ARHGAP15: variants seen among roughly 807,000 people sequenced by gnomAD.
ARHGAP15 encodes the protein Rho GTPase activating protein 15, also known as rho GTPase-activating protein 15.
Under a neutral mutation model 63.7 loss-of-function variants are expected in ARHGAP15, and 51 were observed. The observed-to-expected ratio is 0.80, with a 90% CI of 0.64 to 1.01. The LOEUF is 1.01. ARHGAP15 is among the 50% of genes least tolerant of loss of function. The pLI is 0.00. For missense variants in ARHGAP15, 560 were observed against 564.6 expected (o/e 0.99, Z 0.08); for synonymous variants, 191 against 193.8 (o/e 0.99, Z 0.12).
intron 3 of ARHGAP15, 23 bp downstream of exon 3, chr2:143,202,225 T>A (rs748676895): frequency 6.4e-7 from 1 of 1,569,174 alleles, no homozygotes; most frequent in South Asian, 1.1e-5. Flanking sequence ...GTCATTATAT[T>A]CTTCATCTAC....
chr2:143,317,823 G>T (rs1013624682), intron 6 of ARHGAP15, among the ~76,000 whole-genome samples: 10 of 152,144 alleles, frequency 6.6e-5, no homozygotes, highest in African/African-American at 2.4e-4. Context: ...CTCATCCGAA[G>T]CGGAAAGAAT....
chr2:143,765,114 TGTGTGTGTGTG>T (rs1686904816), intron 13 of ARHGAP15, among the ~76,000 whole-genome samples: 1 of 93,438 alleles, frequency 1.1e-5, no homozygotes, highest in African/African-American at 3.5e-5. Context: ...AAAATATGTG[TGTGTGTGTGTG>T]TGTGTGTGTG....
intron 8 of ARHGAP15, among the ~76,000 whole-genome samples, chr2:143,469,491 C>T (rs1018151405): frequency 2.0e-5 from 3 of 152,178 alleles, no homozygotes; most frequent in Admixed American, 6.5e-5. Flanking sequence ...AGCAATGCCC[C>T]ACACGCGAGC....
rs116789876 is a variant in ARHGAP15, at chr2:143,614,130, A to G, written c.1004-10003A>G. On this transcript the variant is annotated intron_variant, in intron 11 of 13. Coordinates refer to ENST00000295095, the MANE Select transcript of ARHGAP15 (RefSeq NM_018460.4). ...TCTCTTCCTCTCTCCCAGCTCCTGC[A>G]CCACCCTCACTCACCTGACTGCTCA... 2.0e-3 allele frequency among the ~76,000 whole-genome samples: 306 copies of G among 152,228 alleles called. 2 individuals are homozygous for G. Among genetic ancestry groups the G allele is most frequent in the African/African-American group, 7.0e-3 (292 of 41,546 alleles).
At chr2:143,326,235 A>G (rs746028340) in intron 6 of ARHGAP15, among the ~76,000 whole-genome samples, 1 of 152,140 alleles carries the variant, frequency 6.6e-6, no homozygotes, top group Non-Finnish European at 1.5e-5. Context: ...TTCTCATTTA[A>G]TATGTTGTTA....
intron 12 of ARHGAP15, among the ~76,000 whole-genome samples, chr2:143,628,996 C>T (rs891476257): frequency 2.0e-5 from 3 of 151,956 alleles, no homozygotes; most frequent in African/African-American, 7.3e-5. Flanking sequence ...GTGGTTAGAC[C>T]AAACAGAATT....
intron 12 of ARHGAP15, among the ~76,000 whole-genome samples, chr2:143,680,117 C>G (rs1683034385): frequency 6.7e-6 from 1 of 150,336 alleles, no homozygotes; most frequent in Non-Finnish European, 1.5e-5. Context: ...TTGGCAATGC[C>G]TTAATATTTA....
chr2:143,441,782 A>G (rs1689894924), intron 8 of ARHGAP15, among the ~76,000 whole-genome samples: 1 of 152,180 alleles, frequency 6.6e-6, no homozygotes, highest in Non-Finnish European at 1.5e-5. Flanking sequence ...TAAGAGAGCT[A>G]AAAGGAAATG....
At chr2:143,712,319 A>T (rs2105443414) in intron 13 of ARHGAP15, among the ~76,000 whole-genome samples, 1 of 152,336 alleles carries the variant, frequency 6.6e-6, no homozygotes, top group South Asian at 2.1e-4. Flanking sequence ...AAAGGACCAA[A>T]CTGGAGGCAT....
intron 11 of ARHGAP15, among the ~76,000 whole-genome samples, chr2:143,597,441 A>G (rs1287557895): frequency 6.6e-6 from 1 of 152,074 alleles, no homozygotes; most frequent in East Asian, 1.9e-4. Flanking sequence ...TTTCTAGGAG[A>G]AAGCAAGAGA....
intron 11 of ARHGAP15, among the ~76,000 whole-genome samples, chr2:143,574,564 A>G (rs1369504130): frequency 1.3e-5 from 2 of 152,116 alleles, no homozygotes; most frequent in Non-Finnish European, 2.9e-5. Context: ...CATTAAACCT[A>G]TTTTGAAGGC....
At chr2:143,272,609 C>A (rs1214605186) in intron 6 of ARHGAP15, among the ~76,000 whole-genome samples, 1 of 152,046 alleles carries the variant, frequency 6.6e-6, no homozygotes, top group African/African-American at 2.4e-5. Context: ...GCCGAAATTG[C>A]GCCACTGCAC....
chr2:143,353,668 A>T (rs142880725), intron 6 of ARHGAP15, among the ~76,000 whole-genome samples: 7 of 152,298 alleles, frequency 4.6e-5, no homozygotes, highest in African/African-American at 1.4e-4. Context: ...GCTTCTTCTC[A>T]TTCCAGGGTT....
chr2:143,672,898 TA>T (rs1489588056), intron 12 of ARHGAP15, among the ~76,000 whole-genome samples: 1 of 152,120 alleles, frequency 6.6e-6, no homozygotes, highest in African/African-American at 2.4e-5. Flanking sequence ...AAAGTTGAGT[TA>T]AAAAAATATG....
intron 10 of ARHGAP15, among the ~76,000 whole-genome samples, chr2:143,542,529 G>C (rs1695116530): frequency 6.6e-6 from 1 of 150,894 alleles, no homozygotes; most frequent in African/African-American, 2.4e-5. Flanking sequence ...TACCCCAAAA[G>C]CAGGATTTTT....
chr2:143,341,956 TAAG>T (rs530462232), intron 6 of ARHGAP15, among the ~76,000 whole-genome samples: 96 of 152,284 alleles, frequency 6.3e-4, no homozygotes, highest in African/African-American at 2.3e-3. Context: ...GTTTCAAACT[TAAG>T]AAATAGTTTT....
chr2:143,425,257 T>C (rs1689091803), intron 6 of ARHGAP15, among the ~76,000 whole-genome samples: 1 of 152,080 alleles, frequency 6.6e-6, no homozygotes, highest in Non-Finnish European at 1.5e-5. Context: ...AATTGACAGA[T>C]GTCATTGTCT....
At chr2:143,471,740 A>G (rs1691587533) in intron 8 of ARHGAP15, among the ~76,000 whole-genome samples, 1 of 152,182 alleles carries the variant, frequency 6.6e-6, no homozygotes, top group Non-Finnish European at 1.5e-5. Flanking sequence ...AAGAGCAGGA[A>G]GACCAATCTG....
At chr2:143,583,410 T>C (rs1337026588) in intron 11 of ARHGAP15, among the ~76,000 whole-genome samples, 1 of 152,188 alleles carries the variant, frequency 6.6e-6, no homozygotes, top group African/African-American at 2.4e-5. Context: ...TGTATAACAT[T>C]GTCATTTGTT....
Sources: gnomAD v4.1 joint callset for allele counts (sites outside exome capture counted in the v4.1 genomes callset) on GRCh38, gnomAD v4.1.1 for gene constraint, MANE v1.5 for transcripts, NCBI Gene and HGNC (gene_info 2026-07-23, HGNC 2026-07-21) for gene names.